PPP1R3D: variants seen among roughly 807,000 people sequenced by gnomAD.
PPP1R3D encodes the protein protein phosphatase 1 regulatory subunit 3D, also known as PP1 subunit R6.
In PPP1R3D, 27 loss-of-function variants were observed where a neutral mutation model predicts 16.3. That is an observed-to-expected ratio of 1.66 (90% CI 1.22 to 2.29). The LOEUF (loss-of-function observed/expected upper bound fraction) is 2.29. PPP1R3D is among the 30% of genes most tolerant of loss of function. The probability of loss-of-function intolerance (pLI) is 0.00; values close to 1 mark genes in which losing one functional copy is unlikely to be tolerated. For missense variants in PPP1R3D, 472 were observed against 438.3 expected (o/e 1.08, Z -0.69); for synonymous variants, 223 against 209.7 (o/e 1.06, Z -0.55).
Position 59,939,656 on chromosome 20 carries a change from CGCAGCGCCCGGCGCGCCCGCGGCCTTCTG to C in PPP1R3D, c.247_275del (p.Gln83ValfsTer265). The C allele has an allele frequency of 6.6e-7, 1 of 1,508,580 alleles. No homozygotes were observed. Among genetic ancestry groups the C allele is most frequent in the East Asian group, 2.6e-5 (1 of 37,756 alleles). The allele number at this position is 1,508,580 out of a possible 1,614,324, so 93.4% of individuals were successfully genotyped here. A position where few individuals can be genotyped will look rare whatever the true frequency, so the allele number is the denominator to read the frequency against. ...GCTTCTGGCTGCAGCCCGGCCGACA[CGCAGCGCCCGGCGCGCCCGCGGCCTTCTG>C]GCGGCGCTCGGGGGAGCTGGGCAGT... On this transcript the variant is annotated frameshift_variant, in exon 1 of 1. Coordinates refer to ENST00000370996, the MANE Select transcript of PPP1R3D (RefSeq NM_006242.4). LOFTEE classifies it high-confidence loss of function.
Position 59,940,231 on chromosome 20 carries a change from A to C in PPP1R3D, c.-300T>G, listed in dbSNP as rs555246099. On this transcript the variant is annotated 5_prime_UTR_variant, in exon 1 of 1. Transcript: ENST00000370996. ...CTCTTTTTTCTTCTTGCTTCCTTGG[A>C]GGTTCTTACAAGAAGGCTGCGTTCC... 1 of 269,536 alleles carries C rather than the reference A, an allele frequency of 3.7e-6. No homozygotes were observed. The highest frequency in any genetic ancestry group is 1.7e-4 in the South Asian group (1 of 5,808). 16.7% of individuals were successfully genotyped at this position (269,536 alleles called of 1,614,324 possible).
chr20:59,939,761 C>CGGCGCT lies in PPP1R3D; in HGVS notation c.165_170dup (p.Ala56_Pro57dup), dbSNP rs1036496690. 8 of 1,220,906 alleles carry CGGCGCT rather than the reference C, an allele frequency of 6.6e-6. No individual in the cohort carries two copies. The highest frequency in any genetic ancestry group is 7.1e-6 in the Non-Finnish European group (7 of 981,266). The allele number at this position is 1,220,906 out of a possible 1,614,324, so 75.6% of individuals were successfully genotyped here. On this transcript the variant is annotated inframe_insertion, in exon 1 of 1. Transcript: ENST00000370996. ...GCCGCAGGCGGGGGTCGCAGCCCGA[C>CGGCGCT]GGCGCTGGCGTTGGCGGCGGCGCGC...
chr20:59,939,200 G>A lies in PPP1R3D; in HGVS notation c.732C>T (p.Pro244=). Reference sequence around the variant, plus strand: ...CGCGGGAGCCGAGCTCCAGCAGGAAGGGCGGTACTGGAAAGCCGAAGGTGA... The same window carrying A: ...CGCGGGAGCCGAGCTCCAGCAGGAAAGGCGGTACTGGAAAGCCGAAGGTGA... The part of the protein sequence containing the change: ...DVFTFGFPVP[P]FLLELGSRVH... The change falls in exon 1 of 1, where the codon CCC becomes CCT. Residue 244 remains proline (P), a synonymous_variant. Coordinates refer to ENST00000370996, the MANE Select transcript of PPP1R3D (RefSeq NM_006242.4). 6.2e-7 allele frequency: 1 copy of A among 1,609,920 alleles called. No individual in the cohort carries two copies. Among genetic ancestry groups the A allele is most frequent in the South Asian group, 1.1e-5 (1 of 91,002 alleles).
chr20:59,938,897 C>A lies in PPP1R3D; in HGVS notation c.*135G>T. The A allele has an allele frequency of 1.2e-6, 1 of 836,016 alleles. No individual in the cohort carries two copies. The highest frequency in any genetic ancestry group is 1.7e-6 in the Non-Finnish European group (1 of 590,308). 51.8% of individuals were successfully genotyped at this position (836,016 alleles called of 1,614,324 possible). ...GACAGGATGGGCCACTGCCAGGGGA[C>A]CTTGCAGCAGAAAATTAGGTCAGAG... On this transcript the variant is annotated 3_prime_UTR_variant, in exon 1 of 1. Transcript: ENST00000370996.
At position 59,938,816 on chromosome 20, in the gene PPP1R3D, T is replaced by A; in HGVS notation, c.*216A>T. ...CCCCAACTCATTACACAACTCGGCC[T>A]TCTGGCCACCTGAGGCTACTTTTTA... is the stretch of plus-strand genomic sequence containing the variant. On this transcript the variant is annotated 3_prime_UTR_variant, in exon 1 of 1. Coordinates refer to ENST00000370996, the MANE Select transcript of PPP1R3D (RefSeq NM_006242.4). 1.1e-5 allele frequency: 4 copies of A among 380,290 alleles called. No individual in the cohort carries two copies. The highest frequency in any genetic ancestry group is 4.6e-5 in the Admixed American group (1 of 21,758). 23.6% of individuals were successfully genotyped at this position (380,290 alleles called of 1,614,324 possible). A position where few individuals can be genotyped will look rare whatever the true frequency, so the allele number is the denominator to read the frequency against.
rs1361522173 is a variant in PPP1R3D, at chr20:59,936,917, G to C, written c.*2115C>G. On this transcript the variant is annotated 3_prime_UTR_variant, in exon 1 of 1. Transcript: ENST00000370996. ...AAAATATGTTTGGGGGGACAACCCA[G>C]CAATTGCACAGCCCACTAGAAAATT... is the stretch of plus-strand genomic sequence containing the variant. 2 of 152,570 alleles carry C rather than the reference G, an allele frequency of 1.3e-5. No individual in the cohort carries two copies. Among genetic ancestry groups the C allele is most frequent in the African/African-American group, 2.4e-5 (1 of 41,442 alleles). 9.5% of individuals were successfully genotyped at this position (152,570 alleles called of 1,614,324 possible).
Position 59,940,082 on chromosome 20 carries a change from C to T in PPP1R3D, c.-151G>A. 1 of 525,414 alleles carries T rather than the reference C, an allele frequency of 1.9e-6. No individual in the cohort carries two copies. The highest frequency in any genetic ancestry group is 3.0e-6 in the Non-Finnish European group (1 of 330,446). 32.5% of individuals were successfully genotyped at this position (525,414 alleles called of 1,614,324 possible). On this transcript the variant is annotated 5_prime_UTR_variant, in exon 1 of 1. Transcript: ENST00000370996. ...GGCCCGGTGCGCCCTACCCTTGGTT[C>T]GCCACCTTGCTCCTCGAGTCCTTGT...
chr20:59,939,520 T>G lies in PPP1R3D; in HGVS notation c.412A>C (p.Asn138His). Reference sequence around the variant, plus strand: ...TGGCTGCTGCAGCACAGGTCCGAGTTGATTGCGAGCCGCGACAGCACGTGC... The same window carrying G: ...TGGCTGCTGCAGCACAGGTCCGAGTGGATTGCGAGCCGCGACAGCACGTGC... ...PLHVLSRLAI[N>H]SDLCCSSQDL... Residue 138 changes from asparagine to histidine, a missense_variant, in exon 1 of 1, where the codon AAC becomes CAC. By Grantham distance (68) the Asn-to-His change is moderately conservative (BLOSUM62 1). Coordinates refer to ENST00000370996, the MANE Select transcript of PPP1R3D (RefSeq NM_006242.4). 2.5e-6 allele frequency: 4 copies of G among 1,611,976 alleles called. No individual in the cohort carries two copies. The highest frequency in any genetic ancestry group is 2.5e-6 in the Non-Finnish European group (3 of 1,179,592).
chr20:59,939,954 T>C lies in PPP1R3D; in HGVS notation c.-23A>G. 1 of 1,260,450 alleles carries C rather than the reference T, an allele frequency of 7.9e-7. No homozygotes were observed. The highest frequency in any genetic ancestry group is 1.0e-6 in the Non-Finnish European group (1 of 996,786). 78.1% of individuals were successfully genotyped at this position (1,260,450 alleles called of 1,614,324 possible). A position where few individuals can be genotyped will look rare whatever the true frequency, so the allele number is the denominator to read the frequency against. On this transcript the variant is annotated 5_prime_UTR_variant, in exon 1 of 1. Transcript: ENST00000370996. ...CATGGCCCCGCCGGCCGTCGGAAGA[T>C]GAGGCAGGGATGAGAGACGACCTCC... is the stretch of plus-strand genomic sequence containing the variant.
At position 59,939,051 on chromosome 20, in the gene PPP1R3D, C is replaced by G; in HGVS notation, c.881G>C (p.Ser294Thr). Reference protein sequence around the residue: ...LHMPRGECEESWIHFI With the variant: ...LHMPRGECEETWIHFI ...CGCGGCTCAGATGAAGTGGATCCAG[C>G]TCTCTTCGCACTCCCCGCGAGGCAT... The change falls in exon 1 of 1, where the codon AGC becomes ACC. Residue 294 changes from serine (S) to threonine (T), a missense_variant. Transcript: ENST00000370996. 1 of 1,542,658 alleles carries G rather than the reference C, an allele frequency of 6.5e-7. No homozygotes were observed. The highest frequency in any genetic ancestry group is 8.7e-7 in the Non-Finnish European group (1 of 1,145,596).
Position 59,939,962 on chromosome 20 carries a change from G to A in PPP1R3D, c.-31C>T. On this transcript the variant is annotated 5_prime_UTR_variant, in exon 1 of 1. Transcript: ENST00000370996. The stretch of plus-strand genomic sequence containing the variant: ...CGCCGGCCGTCGGAAGATGAGGCAG[G>A]GATGAGAGACGACCTCCCGACCCCG... The A allele has an allele frequency of 4.0e-6, 5 of 1,259,236 alleles. No individual in the cohort carries two copies. Among genetic ancestry groups the A allele is most frequent in the Non-Finnish European group, 4.0e-6 (4 of 995,828 alleles). The allele number at this position is 1,259,236 out of a possible 1,614,324, so 78.0% of individuals were successfully genotyped here.
At position 59,939,897 on chromosome 20, in the gene PPP1R3D, C is replaced by T. The variant is rs1274662619; in HGVS notation, c.35G>A (p.Ser12Asn). The T allele has an allele frequency of 4.0e-6, 5 of 1,251,206 alleles. No individual in the cohort carries two copies. The highest frequency in any genetic ancestry group is 8.2e-5 in the Admixed American group (2 of 24,526). The allele number at this position is 1,251,206 out of a possible 1,614,324, so 77.5% of individuals were successfully genotyped here. ...SRGPSSAVLP[S>N]ALGSRKLGPR... ...GCCGAGCTTCCGGGATCCCAGGGCGCTAGGCAGGACCGCGGAGCTCGGGCC... is the reference window on the plus strand; with the variant it reads ...GCCGAGCTTCCGGGATCCCAGGGCGTTAGGCAGGACCGCGGAGCTCGGGCC... Residue 12 changes from serine to asparagine, a missense_variant, in exon 1 of 1, where the codon AGC becomes AAC. Ser to Asn is a conservative substitution (Grantham distance 46). Transcript: ENST00000370996.
chr20:59,939,087 T>C lies in PPP1R3D; in HGVS notation c.845A>G (p.His282Arg). The C allele has an allele frequency of 6.3e-7, 1 of 1,590,310 alleles. No homozygotes were observed. Among genetic ancestry groups the C allele is most frequent in the Non-Finnish European group, 8.5e-7 (1 of 1,171,852 alleles). Reference sequence around the variant, plus strand: ...CTCCCCGCGAGGCATGTGCAGCGCGTGGTTGCGACATGTGAGGCTGTAGTC... The same window carrying C: ...CTCCCCGCGAGGCATGTGCAGCGCGCGGTTGCGACATGTGAGGCTGTAGTC... Reference protein sequence around the residue: ...HRDYSLTCRNHALHMPRGECE... With the variant: ...HRDYSLTCRNRALHMPRGECE... The change falls in exon 1 of 1, where the codon CAC becomes CGC. Residue 282 changes from histidine to arginine, a missense_variant. His to Arg is a conservative substitution (Grantham distance 29). Transcript: ENST00000370996.
Position 59,939,740 on chromosome 20 carries a change from C to T in PPP1R3D, c.192G>A (p.Leu64=). 3.2e-6 allele frequency: 4 copies of T among 1,245,176 alleles called. No homozygotes were observed. The highest frequency in any genetic ancestry group is 4.0e-6 in the Non-Finnish European group (4 of 996,424). 77.1% of individuals were successfully genotyped at this position (1,245,176 alleles called of 1,614,324 possible). A position where few individuals can be genotyped will look rare whatever the true frequency, so the allele number is the denominator to read the frequency against. ...TPAPSGCDPR[L]RPIILRRARS... Reference sequence around the variant, plus strand: ...GCGCCCGCCGCAGGATGATGGGCCGCAGGCGGGGGTCGCAGCCCGACGGCG... The same window carrying T: ...GCGCCCGCCGCAGGATGATGGGCCGTAGGCGGGGGTCGCAGCCCGACGGCG... Residue 64 remains leucine (L), a synonymous_variant, in exon 1 of 1, where the codon CTG becomes CTA. Coordinates refer to ENST00000370996, the MANE Select transcript of PPP1R3D (RefSeq NM_006242.4).
At position 59,937,662 on chromosome 20, in the gene PPP1R3D, GGC is replaced by G. The variant is rs2060870008; in HGVS notation, c.*1368_*1369del. 2.0e-5 allele frequency: 3 copies of G among 147,714 alleles called. No individual in the cohort carries two copies. The highest frequency in any genetic ancestry group is 8.0e-5 in the African/African-American group (3 of 37,268). The allele number at this position is 147,714 out of a possible 1,614,324, so 9.2% of individuals were successfully genotyped here. On this transcript the variant is annotated 3_prime_UTR_variant, in exon 1 of 1. Transcript: ENST00000370996. Reference sequence around the variant, plus strand: ...ACAAATTGGAGATCTTGTCCTTCCTGGCTGTTTTTTTTTTTTTCCCACACCTT... The same window carrying G: ...ACAAATTGGAGATCTTGTCCTTCCTGTGTTTTTTTTTTTTTCCCACACCTT...
In PPP1R3D at chr20:59,939,160, G is replaced by A. The variant is rs373679233; in HGVS notation, c.772C>T (p.Arg258Cys). 14 of 1,611,356 alleles carry A rather than the reference G, an allele frequency of 8.7e-6. No individual in the cohort carries two copies. Among genetic ancestry groups the A allele is most frequent in the East Asian group, 2.2e-5 (1 of 44,780 alleles). The part of the protein sequence containing the change: ...ELGSRVHFAV[R>C]YQVAGAEYWD... The stretch of plus-strand genomic sequence containing the variant: ...TACTCGGCACCCGCCACTTGGTAGC[G>A]CACCGCGAAGTGCACGCGGGAGCCG... Residue 258 changes from arginine (R) to cysteine (C), a missense_variant, in exon 1 of 1, where the codon CGC becomes TGC. By Grantham distance (180) the Arg-to-Cys change is radical (BLOSUM62 -3). Coordinates refer to ENST00000370996, the MANE Select transcript of PPP1R3D (RefSeq NM_006242.4).
rs1440258219 is a variant in PPP1R3D, at chr20:59,939,245, G to GGGGCCTGC, written c.679_686dup (p.Glu230GlnfsTer112). 1 of 1,611,122 alleles carries GGGGCCTGC rather than the reference G, an allele frequency of 6.2e-7. No individual in the cohort carries two copies. Among genetic ancestry groups the GGGGCCTGC allele is most frequent in the East Asian group, 2.2e-5 (1 of 44,802 alleles). On this transcript the variant is annotated frameshift_variant, in exon 1 of 1. Coordinates refer to ENST00000370996, the MANE Select transcript of PPP1R3D (RefSeq NM_006242.4). LOFTEE classifies it high-confidence loss of function. ...AGGTGAAAACGTCCTCCGTGCCCTC[G>GGGGCCTGC]GGGCCTGCGGGCCCGCGCCACCGCG...
At position 59,939,112 on chromosome 20, in the gene PPP1R3D, C is replaced by A; in HGVS notation, c.820G>T (p.Asp274Tyr). 1 of 1,602,830 alleles carries A rather than the reference C, an allele frequency of 6.2e-7. No individual in the cohort carries two copies. Among genetic ancestry groups the A allele is most frequent in the South Asian group, 1.1e-5 (1 of 90,834 alleles). Reference sequence around the variant, plus strand: ...TGGTTGCGACATGTGAGGCTGTAGTCTCGGTGGTCGTTGTTGTCCCAGTAC... The same window carrying A: ...TGGTTGCGACATGTGAGGCTGTAGTATCGGTGGTCGTTGTTGTCCCAGTAC... ...AEYWDNNDHR[D>Y]YSLTCRNHAL... Residue 274 changes from aspartate (D) to tyrosine (Y), a missense_variant, in exon 1 of 1, where the codon GAC (aspartate) becomes TAC (tyrosine). Transcript: ENST00000370996.
Position 59,940,033 on chromosome 20 carries a change from C to G in PPP1R3D, c.-102G>C. On this transcript the variant is annotated 5_prime_UTR_variant, in exon 1 of 1. Coordinates refer to ENST00000370996, the MANE Select transcript of PPP1R3D (RefSeq NM_006242.4). Reference sequence around the variant, plus strand: ...AGAAGCCGCAGAGAGTCCACCGTATCTGCAACCTGCGGGGGACCTCTCGGG... The same window carrying G: ...AGAAGCCGCAGAGAGTCCACCGTATGTGCAACCTGCGGGGGACCTCTCGGG... The G allele has an allele frequency of 9.8e-7, 1 of 1,021,060 alleles. No individual in the cohort carries two copies. Among genetic ancestry groups the G allele is most frequent in the Non-Finnish European group, 1.3e-6 (1 of 784,010 alleles). 63.3% of individuals were successfully genotyped at this position (1,021,060 alleles called of 1,614,324 possible). A position where few individuals can be genotyped will look rare whatever the true frequency, so the allele number is the denominator to read the frequency against.
Sources: gnomAD v4.1 joint callset for allele counts on GRCh38, gnomAD v4.1.1 for gene constraint, MANE v1.5 for transcripts, NCBI Gene and HGNC (gene_info 2026-07-23, HGNC 2026-07-21) for gene names.